ROBO1: variants seen among roughly 807,000 people sequenced by gnomAD.
ROBO1 encodes the protein roundabout guidance receptor 1.
Under a neutral mutation model 195.9 loss-of-function variants are expected in ROBO1, and 149 were observed. That is an observed-to-expected ratio of 0.76 (90% CI 0.67 to 0.87). ROBO1 has a LOEUF of 0.87. ROBO1 is among the 40% of genes least tolerant of loss of function. The probability of loss-of-function intolerance (pLI) is 0.00; values close to 1 mark genes in which losing one functional copy is unlikely to be tolerated. For synonymous variants in ROBO1, 816 were observed against 733.2 expected (o/e 1.11, Z -1.82); for missense variants, 1,933 against 2,068.3 (o/e 0.93, Z 1.27).
chr3:79,069,208 A>G (rs1039377659), intron 3 of ROBO1, among the ~76,000 whole-genome samples: 2 of 151,888 alleles, frequency 1.3e-5, no homozygotes, highest in African/African-American at 2.4e-5. Flanking sequence ...TCTGTTAATA[A>G]TATTTCCAGT....
intron 2 of ROBO1, among the ~76,000 whole-genome samples, chr3:79,172,274 A>AT (rs567082581): frequency 7.9e-5 from 12 of 152,306 alleles, no homozygotes; most frequent in Non-Finnish European, 1.3e-4. Context: ...GTTGGGTCAA[A>AT]TTCCTATCAT....
intron 4 of ROBO1, among the ~76,000 whole-genome samples, chr3:78,806,928 C>T (rs1285375253): frequency 2.0e-5 from 3 of 152,038 alleles, no homozygotes; most frequent in Non-Finnish European, 2.9e-5. Flanking sequence ...ATGCCTCAGC[C>T]TCCCAAGTGG....
At chr3:79,582,471 G>A (rs2107792934) in intron 2 of ROBO1, among the ~76,000 whole-genome samples, 1 of 151,802 alleles carries the variant, frequency 6.6e-6, no homozygotes, top group Non-Finnish European at 1.5e-5. Flanking sequence ...TCACAGAGAA[G>A]GAAAACAAAA....
At chr3:79,620,310 C>T (rs906650377) in intron 1 of ROBO1, among the ~76,000 whole-genome samples, 12 of 152,124 alleles carry the variant, frequency 7.9e-5, no homozygotes, top group Non-Finnish European at 1.3e-4. Flanking sequence ...CCGATCGCCT[C>T]GGAAGCCTCC....
In ROBO1 at chr3:78,615,381, T is replaced by C. The variant is rs114232552; in HGVS notation, c.4283-581A>G. On this transcript the variant is annotated intron_variant, in intron 27 of 30. Coordinates refer to ENST00000464233, the MANE Select transcript of ROBO1 (RefSeq NM_002941.4). The stretch of plus-strand genomic sequence containing the variant: ...AAATTACTTACATCTCTTTTCTATC[T>C]CTAAATATTTGCTAGTTCTGGATAC... 9.3e-3 allele frequency among the ~76,000 whole-genome samples: 1,421 copies of C among 152,300 alleles called. 31 individuals are homozygous for C. The highest frequency in any genetic ancestry group is 0.033 in the African/African-American group (1,360 of 41,576).
chr3:79,686,401 T>G (rs1947114649), intron 1 of ROBO1, among the ~76,000 whole-genome samples: 1 of 151,984 alleles, frequency 6.6e-6, no homozygotes, highest in Admixed American at 6.6e-5. Flanking sequence ...AAATAAAGGG[T>G]ATTCAATTAG....
chr3:79,719,577 A>C (rs1238865871), intron 1 of ROBO1, among the ~76,000 whole-genome samples: 3 of 152,148 alleles, frequency 2.0e-5, no homozygotes, highest in African/African-American at 7.2e-5. Context: ...ATTGCAATTA[A>C]CCACAACATA....
intron 4 of ROBO1, among the ~76,000 whole-genome samples, chr3:78,907,726 A>T (rs2038008245): frequency 6.6e-6 from 1 of 152,218 alleles, no homozygotes; most frequent in South Asian, 2.1e-4. Context: ...GTTTGACAGT[A>T]AAAATCATGG....
chr3:79,170,428 C>T (rs1411176427), intron 2 of ROBO1, among the ~76,000 whole-genome samples: 1 of 152,098 alleles, frequency 6.6e-6, no homozygotes, highest in African/African-American at 2.4e-5. Flanking sequence ...AGCAAACATA[C>T]CAACATAATC....
intron 1 of ROBO1, among the ~76,000 whole-genome samples, chr3:79,625,060 C>T (rs989220106): frequency 3.9e-5 from 6 of 152,016 alleles, no homozygotes; most frequent in African/African-American, 9.7e-5. Context: ...TGAAACCACA[C>T]GATTATACGG....
chr3:79,673,494 A>G (rs1946690561), intron 1 of ROBO1, among the ~76,000 whole-genome samples: 1 of 151,974 alleles, frequency 6.6e-6, no homozygotes, highest in Non-Finnish European at 1.5e-5. Context: ...GTGCCAATAT[A>G]TGTTCAATGG....
intron 3 of ROBO1, among the ~76,000 whole-genome samples, chr3:79,009,655 T>C (rs1166046530): frequency 6.6e-6 from 1 of 152,230 alleles, no homozygotes; most frequent in Non-Finnish European, 1.5e-5. Flanking sequence ...ACAGGTTTCA[T>C]TGGCAGGAAT....
chr3:78,672,322 G>A (rs1304251258), intron 10 of ROBO1, among the ~76,000 whole-genome samples: 1 of 152,112 alleles, frequency 6.6e-6, no homozygotes, highest in Non-Finnish European at 1.5e-5. Flanking sequence ...GCTCACGCCT[G>A]TAATCCTGCA....
intron 4 of ROBO1, among the ~76,000 whole-genome samples, chr3:78,777,273 A>C (rs2083533861): frequency 6.6e-6 from 1 of 152,232 alleles, no homozygotes; most frequent in African/African-American, 2.4e-5. Context: ...TCCACTCACA[A>C]ACATTAACTT....
intron 4 of ROBO1, among the ~76,000 whole-genome samples, chr3:78,830,880 GTTTT>G (rs886788368): frequency 6.6e-6 from 1 of 150,752 alleles, no homozygotes; most frequent in African/African-American, 2.5e-5. Context: ...CTGTTTTGTT[GTTTT>G]TTGTGTTTTT....
At chr3:78,898,399 T>G (rs1449920125) in intron 4 of ROBO1, among the ~76,000 whole-genome samples, 1 of 140,404 alleles carries the variant, frequency 7.1e-6, no homozygotes, top group African/African-American at 2.6e-5. Flanking sequence ...TTTTTTTTTT[T>G]TTTTTTGAGA....
intron 3 of ROBO1, among the ~76,000 whole-genome samples, chr3:78,962,841 A>C (rs2041443069): frequency 6.6e-6 from 1 of 151,396 alleles, no homozygotes; most frequent in South Asian, 2.1e-4. Flanking sequence ...AAAAAAAAAA[A>C]AAAAAAAACT....
At chr3:79,509,769 C>A (rs889251900) in intron 2 of ROBO1, among the ~76,000 whole-genome samples, 1 of 152,052 alleles carries the variant, frequency 6.6e-6, no homozygotes, top group Non-Finnish European at 1.5e-5. Context: ...TCTTAACCCC[C>A]CTCCATGAAA....
At chr3:78,638,851 G>A (rs1037701006) in intron 22 of ROBO1, among the ~76,000 whole-genome samples, 1 of 151,468 alleles carries the variant, frequency 6.6e-6, no homozygotes, top group African/African-American at 2.4e-5. Flanking sequence ...TCCAGCCTAG[G>A]TGAAGAGCGA....
Sources: gnomAD v4.1 joint callset for allele counts (sites outside exome capture counted in the v4.1 genomes callset) on GRCh38, gnomAD v4.1.1 for gene constraint, MANE v1.5 for transcripts, NCBI Gene and HGNC (gene_info 2026-07-23, HGNC 2026-07-21) for gene names.